Variants in CC2D2A observed in about 807,000 individuals in gnomAD.
CC2D2A encodes the protein coiled-coil and C2 domain containing 2A, also known as coiled-coil and C2 domain-containing protein 2A.
A neutral mutation model predicts 212.9 loss-of-function variants in CC2D2A; 155 were observed. The ratio of observed to expected loss-of-function variants is 0.73; its 90% confidence interval spans 0.64 to 0.83. CC2D2A has a LOEUF of 0.83. Among genes scored for constraint, CC2D2A ranks in the 40% least tolerant of loss-of-function variants. CC2D2A has a pLI of 0.00. For synonymous variants in CC2D2A, 667 were observed against 686.5 expected, an observed-to-expected ratio of 0.97 and a Z score of 0.44; for missense variants, 1,856 against 1,956.2, an observed-to-expected ratio of 0.95 and a Z score of 0.97.
chr4:15,520,352 C>T (rs16892104), intron 11 of CC2D2A, among the ~76,000 whole-genome samples: 23,010 of 152,050 alleles, frequency 0.15, 2,086 homozygotes, highest in East Asian at 0.34. Flanking sequence ...AGGAATTTAT[C>T]GTCTATTTGG....
rs765661601 is a variant in CC2D2A, at chr4:15,574,198, A to G, written c.3643A>G (p.Ser1215Gly). 6 of 1,551,332 alleles carry G rather than the reference A, an allele frequency of 3.9e-6. No homozygotes were observed. In the African/African-American group the frequency reaches 6.8e-5, roughly 18 times the overall value. ...IDIPPVLLGY[S>G]KERNMILERG... ...TATTCCCCCAGTTCTTCTGGGCTAC[A>G]GTAAGGAGCGAAATATGATTCTTGA... Residue 1215 changes from serine to glycine, a missense_variant, in exon 29 of 37, where the codon AGT becomes GGT. Ser to Gly is a moderately conservative substitution (Grantham distance 56). Around this residue, in one of 5 missense-constraint regions of CC2D2A, gnomAD observed 1,512 missense variants for 1,579.3 expected, o/e 0.96. Coordinates refer to ENST00000424120, the MANE Select transcript of CC2D2A (RefSeq NM_001378615.1).
chr4:15,519,600 G>A (rs553218207), intron 11 of CC2D2A: 1 of 436,398 alleles, frequency 2.3e-6, no homozygotes, highest in African/African-American at 2.0e-5. Context: ...AAAAGAAAGA[G>A]GTTTAATGGA....
rs1222588033 is a variant in CC2D2A at position 15,516,634 on chromosome 4, T to C, written c.1027T>C (p.Trp343Arg). Residue 343 changes from tryptophan (W) to arginine (R), a missense_variant, in exon 11 of 37, where the codon TGG becomes CGG. Physicochemically the swap from Trp to Arg is moderately radical, Grantham distance 101. Coordinates refer to ENST00000424120, the MANE Select transcript of CC2D2A (RefSeq NM_001378615.1). The stretch of plus-strand genomic sequence containing the variant: ...TCTGCTTCATCTACAGGAAAGAAGA[T>C]GGTTTGGAGATGACGGCAGGATCCT... ...RLLMQDPERR[W>R]FGDDGRILAL... 1.4e-5 allele frequency: 22 copies of C among 1,611,660 alleles called. No individual in the cohort carries two copies. Among genetic ancestry groups the C allele is most frequent in the Non-Finnish European group, 1.9e-5 (22 of 1,178,904 alleles).
At chr4:15,504,125 C>T (rs772954119) in intron 6 of CC2D2A, among the ~76,000 whole-genome samples, 6 of 152,058 alleles carry the variant, frequency 3.9e-5, no homozygotes, top group Non-Finnish European at 5.9e-5. Flanking sequence ...TTAAATGATG[C>T]CTTTTCTTTT....
chr4:15,572,496 T>A (rs923177913), intron 28 of CC2D2A, among the ~76,000 whole-genome samples: 1 of 151,866 alleles, frequency 6.6e-6, no homozygotes, highest in Non-Finnish European at 1.5e-5. Flanking sequence ...CATTTGGTAA[T>A]GTCTAAAGAC....
At chr4:15,533,404 C>A in intron 14 of CC2D2A, 71 bp downstream of exon 14, 1 of 1,161,094 alleles carries the variant, frequency 8.6e-7, no homozygotes. Context: ...AACATGGATA[C>A]AGTTTTAAAA....
At chr4:15,572,632 C>T (rs1720221777) in intron 28 of CC2D2A, among the ~76,000 whole-genome samples, 1 of 151,190 alleles carries the variant, frequency 6.6e-6, no homozygotes, top group African/African-American at 2.4e-5. Flanking sequence ...ATTATCTGGC[C>T]AAATATCTAT....
In CC2D2A at chr4:15,554,361, C is replaced by T. The variant is rs562072292; in HGVS notation, c.2487-711C>T. ...GATCTCCAGGTGTCCAAAGCTGGTG[C>T]TTAAGTTTGTTGTTTAGTAGTTGGT... On this transcript the variant is annotated intron_variant, in intron 19 of 36. Coordinates refer to ENST00000424120, the MANE Select transcript of CC2D2A (RefSeq NM_001378615.1). Among the ~76,000 whole-genome samples the T allele has an allele frequency of 6.1e-4, 93 of 152,306 alleles. No individual in the cohort carries two copies. In the Middle Eastern group the frequency reaches 0.014, roughly 22 times the overall value.
intron 25 of CC2D2A, 73 bp downstream of exon 25, chr4:15,567,555 T>C (rs1208778707): frequency 7.3e-7 from 1 of 1,378,386 alleles, no homozygotes; most frequent in Non-Finnish European, 1.0e-6. Flanking sequence ...ACTTCATGGA[T>C]AGTCTGCTCT....
Position 15,489,614 on chromosome 4 carries a change from C to T in CC2D2A, c.247+8787C>T, listed in dbSNP as rs184357924. Among the ~76,000 whole-genome samples, 13 of 152,308 alleles carry T rather than the reference C, an allele frequency of 8.5e-5. 1 individual carries two copies. The highest frequency in any genetic ancestry group is 1.9e-4 in the African/African-American group (8 of 41,574). ...CAAACAAAAAAATAAAACTTCTTTA[C>T]AGCAAAATTCTTTCAAACTCATTTT... On this transcript the variant is annotated intron_variant, in intron 4 of 36. Transcript: ENST00000424120.
chr4:15,516,676 A>C lies in CC2D2A; in HGVS notation c.1069A>C (p.Ile357Leu). The C allele has an allele frequency of 1.2e-6, 2 of 1,613,502 alleles. No individual in the cohort carries two copies. Among genetic ancestry groups the C allele is most frequent in the East Asian group, 2.2e-5 (1 of 44,868 alleles). The change falls in exon 11 of 37, where the codon ATC becomes CTC. Residue 357 changes from isoleucine (I) to leucine (L), a missense_variant. By Grantham distance (5) the Ile-to-Leu change is conservative. This residue lies in a region of CC2D2A where 1,512 missense variants were observed against 1,579.3 expected (regional missense o/e 0.96). Transcript: ENST00000424120. Reference sequence around the variant, plus strand: ...CAGGATCCTAGCTCTGCCAAACCCCATCAAGCCATTTCCTTCAAGGCCGCC... The same window carrying C: ...CAGGATCCTAGCTCTGCCAAACCCCCTCAAGCCATTTCCTTCAAGGCCGCC... ...DGRILALPNP[I>L]KPFPSRPPVL... is the part of the protein sequence containing the mutation.
At chr4:15,553,060 C>T in intron 18 of CC2D2A, 98 bp from the exon 19 acceptor site, 1 of 1,053,336 alleles carries the variant, frequency 9.5e-7, no homozygotes, top group South Asian at 1.9e-5. Context: ...CACCCCCACC[C>T]ACTCCAAGTT....
intron 4 of CC2D2A, among the ~76,000 whole-genome samples, chr4:15,494,028 G>GA (rs1489582659): frequency 1.3e-5 from 2 of 152,180 alleles, no homozygotes; most frequent in Non-Finnish European, 2.9e-5. Flanking sequence ...TGGCCCTCCT[G>GA]AATACCTGTT....
intron 20 of CC2D2A, among the ~76,000 whole-genome samples, chr4:15,555,942 A>C (rs989911649): frequency 6.6e-5 from 10 of 152,180 alleles, no homozygotes; most frequent in African/African-American, 2.4e-4. Context: ...ATTTCAGGAC[A>C]CTTGCTTTTT....
intron 34 of CC2D2A, among the ~76,000 whole-genome samples, chr4:15,596,542 T>C (rs922958583): frequency 6.6e-6 from 1 of 152,172 alleles, no homozygotes; most frequent in African/African-American, 2.4e-5. Context: ...CAAGTTAAAT[T>C]GCAGGGTATG....
chr4:15,530,790 T>G (rs1026639139), intron 13 of CC2D2A, among the ~76,000 whole-genome samples: 2 of 151,628 alleles, frequency 1.3e-5, no homozygotes, highest in African/African-American at 4.8e-5. Flanking sequence ...CCCCCTGGGA[T>G]CTGATCAGCC....
At position 15,511,343 on chromosome 4, in the gene CC2D2A, AG is replaced by A. The variant is rs1472144750; in HGVS notation, c.638del (p.Arg213AsnfsTer45). The A allele has an allele frequency of 6.3e-7, 1 of 1,594,732 alleles. No homozygotes were observed. Among genetic ancestry groups the A allele is most frequent in the Non-Finnish European group, 8.5e-7 (1 of 1,172,786 alleles). ...PEGSEEKPKA[R>X]HRAGTNQEEE... The stretch of plus-strand genomic sequence containing the variant: ...AGGATCAGAGGAAAAACCAAAAGCA[AG>A]ACATAGAGCGGGAACTAATCAAGAG... On this transcript the variant is annotated frameshift_variant, in exon 8 of 37. Coordinates refer to ENST00000424120, the MANE Select transcript of CC2D2A (RefSeq NM_001378615.1). LOFTEE classifies it high-confidence loss of function.
At chr4:15,559,727 T>C (rs1189877911) in intron 22 of CC2D2A, among the ~76,000 whole-genome samples, 1 of 152,086 alleles carries the variant, frequency 6.6e-6, no homozygotes, top group Non-Finnish European at 1.5e-5. Flanking sequence ...GCTAAGTGAC[T>C]ACAGTGCATT....
intron 23 of CC2D2A, 68 bp from the exon 24 acceptor site, chr4:15,563,287 G>A: frequency 6.9e-7 from 1 of 1,459,790 alleles, no homozygotes; most frequent in Non-Finnish European, 9.2e-7. Context: ...CAGAGTTCGG[G>A]AAGTCGTCTC....
Sources: gnomAD v4.1 joint callset for allele counts (sites outside exome capture counted in the v4.1 genomes callset) on GRCh38, gnomAD v4.1.1 for gene constraint, gnomAD v4.1.1 regional missense constraint, MANE v1.5 for transcripts, NCBI Gene and HGNC (gene_info 2026-07-23, HGNC 2026-07-21) for gene names.